RXRG: variants seen among roughly 807,000 people sequenced by gnomAD.
The protein encoded by RXRG is retinoid X receptor gamma.
In RXRG, 19 loss-of-function variants were observed where a neutral mutation model predicts 49.2. The ratio of observed to expected loss-of-function variants is 0.39; its 90% CI spans 0.27 to 0.57. RXRG has a LOEUF of 0.57. Among genes scored for constraint, RXRG ranks in the 20% least tolerant of loss-of-function variants. RXRG has a pLI of 0.64. For synonymous variants in RXRG, 224 were observed against 216.6 expected (o/e 1.03, Z -0.30); for missense variants, 452 against 592.5 (o/e 0.76, Z 2.46).
At chr1:165,440,245 G>C (rs1485518230) in intron 1 of RXRG, among the ~76,000 whole-genome samples, 6 of 152,160 alleles carry the variant, frequency 3.9e-5, no homozygotes, top group Non-Finnish European at 7.3e-5. Context: ...TATTAGCCAA[G>C]TTCCCTTTGG....
rs80102563 is a variant in RXRG, at chr1:165,407,474, C to T, written c.1139-557G>A. The stretch of plus-strand genomic sequence containing the variant: ...TTCTGATTCTGTCCCTATCTCACTG[C>T]CTGCCCCTTCTCAGGTTCCTCTGCT... On this transcript the variant is annotated intron_variant, in intron 8 of 9. Coordinates refer to ENST00000359842, the MANE Select transcript of RXRG (RefSeq NM_006917.5). 8.3e-4 allele frequency among the ~76,000 whole-genome samples: 126 copies of T among 152,316 alleles called. 3 individuals are homozygous for T. The East Asian group carries it at 0.022, about 26-fold the overall frequency.
chr1:165,409,462 C>T (rs921648358), intron 7 of RXRG, 96 bp downstream of exon 7: 35 of 1,252,016 alleles, frequency 2.8e-5, no homozygotes, highest in Non-Finnish European at 3.2e-5. Context: ...TTCATGCCCA[C>T]GTGAGAATTC....
chr1:165,444,921 C>A lies in RXRG; in HGVS notation c.-28G>T. ...TTACTCGTCAGTTCATGTTCCTCTC[C>A]TGTGCAGCTTCTAAATATTACCGCC... On this transcript the variant is annotated 5_prime_UTR_variant, in exon 1 of 10. The change creates a new upstream start codon in the 5' untranslated region. Transcript: ENST00000359842. 6.2e-7 allele frequency: 1 copy of A among 1,610,318 alleles called. No homozygotes were observed. The highest frequency in any genetic ancestry group is 1.3e-5 in the African/African-American group (1 of 74,934).
At position 165,401,160 on chromosome 1, in the gene RXRG, C is replaced by T; in HGVS notation, c.*103G>A. On this transcript the variant is annotated 3_prime_UTR_variant, in exon 10 of 10. Transcript: ENST00000359842. ...TATTATAAGCATCACATTTTGGGGA[C>T]AGGAAGGGGGTCAGGGTGGGAGGTG... 1 of 1,074,468 alleles carries T rather than the reference C, an allele frequency of 9.3e-7. No individual in the cohort carries two copies. Among genetic ancestry groups the T allele is most frequent in the Non-Finnish European group, 1.4e-6 (1 of 734,106 alleles). 66.6% of individuals were successfully genotyped at this position (1,074,468 alleles called of 1,614,324 possible). A position where few individuals can be genotyped will look rare whatever the true frequency, so the allele number is the denominator to read the frequency against.
chr1:165,402,870 TCA>T (rs754810976), intron 9 of RXRG, among the ~76,000 whole-genome samples: 2 of 151,760 alleles, frequency 1.3e-5, no homozygotes, highest in South Asian at 2.1e-4. Flanking sequence ...ATACACATAC[TCA>T]CACATGTGCA....
chr1:165,419,678 A>G (rs1658243554), intron 3 of RXRG, among the ~76,000 whole-genome samples, 192 bp downstream of exon 3: 1 of 152,246 alleles, frequency 6.6e-6, no homozygotes, highest in African/African-American at 2.4e-5. Context: ...CTCATCCTCA[A>G]AAAATAAAGC....
At chr1:165,428,595 G>T in intron 2 of RXRG, 124 bp downstream of exon 2, 1 of 1,151,898 alleles carries the variant, frequency 8.7e-7, no homozygotes, top group Non-Finnish European at 1.2e-6. Context: ...CGTCTGCAGA[G>T]ACCATTCAAA....
chr1:165,430,465 G>GA (rs918630740), intron 1 of RXRG, among the ~76,000 whole-genome samples: 1 of 152,202 alleles, frequency 6.6e-6, no homozygotes, highest in Admixed American at 6.5e-5. Context: ...TATTCCACTG[G>GA]AAAAAATGTC....
At chr1:165,405,492 C>G (rs770246977) in intron 9 of RXRG, among the ~76,000 whole-genome samples, 14 of 152,252 alleles carry the variant, frequency 9.2e-5, no homozygotes, top group Non-Finnish European at 1.6e-4. Context: ...TTGGCATCAG[C>G]TAATGAAAGT....
At position 165,411,045 on chromosome 1, in the gene RXRG, A is replaced by G. The variant is rs1401990612; in HGVS notation, c.687T>C (p.Ser229=). 6 of 1,614,104 alleles carry G rather than the reference A, an allele frequency of 3.7e-6. No individual in the cohort carries two copies. In the South Asian group the frequency reaches 6.6e-5, roughly 18 times the overall value. ...RAESEAECAT[S]GHEDMPVERI... is the part of the protein sequence containing the mutation. Reference sequence around the variant, plus strand: ...TCTCCACAGGCATGTCTTCATGACCACTGGTAGCACATTCTGCCTCACTCT... The same window carrying G: ...TCTCCACAGGCATGTCTTCATGACCGCTGGTAGCACATTCTGCCTCACTCT... Residue 229 remains serine, a synonymous_variant, in exon 5 of 10, where the codon AGT becomes AGC. Transcript: ENST00000359842.
chr1:165,435,568 A>C (rs1415931291), intron 1 of RXRG, among the ~76,000 whole-genome samples: 1 of 152,178 alleles, frequency 6.6e-6, no homozygotes, highest in Non-Finnish European at 1.5e-5. Flanking sequence ...GATAAGCCCC[A>C]AATGGGTGGA....
At chr1:165,415,829 T>A (rs144087590) in intron 4 of RXRG, among the ~76,000 whole-genome samples, 2 of 152,170 alleles carry the variant, frequency 1.3e-5, no homozygotes, top group Non-Finnish European at 2.9e-5. Context: ...CCATCTTCAG[T>A]TCCTTCACAA....
At chr1:165,419,400 T>C (rs987054503) in intron 3 of RXRG, among the ~76,000 whole-genome samples, 1 of 152,078 alleles carries the variant, frequency 6.6e-6, no homozygotes, top group African/African-American at 2.4e-5. Flanking sequence ...TTAATACTTT[T>C]TTTTTTTTGA....
intron 2 of RXRG, among the ~76,000 whole-genome samples, chr1:165,428,265 C>T (rs545398141): frequency 2.6e-5 from 4 of 152,342 alleles, no homozygotes; most frequent in South Asian, 4.1e-4. Context: ...TTGTTCTCAA[C>T]TTATCCATTG....
chr1:165,423,610 C>T (rs1658392791), intron 2 of RXRG, among the ~76,000 whole-genome samples: 2 of 151,066 alleles, frequency 1.3e-5, no homozygotes, highest in African/African-American at 4.9e-5. Context: ...GGACCTCCAA[C>T]ATGGGTTTGG....
chr1:165,444,416 C>A (rs1659097533), intron 1 of RXRG, among the ~76,000 whole-genome samples: 1 of 152,206 alleles, frequency 6.6e-6, no homozygotes, highest in Admixed American at 6.5e-5. Flanking sequence ...CAGGAACCCT[C>A]AAGATAGGCA....
chr1:165,429,728 C>G (rs1223280658), intron 1 of RXRG, among the ~76,000 whole-genome samples: 1 of 152,190 alleles, frequency 6.6e-6, no homozygotes, highest in African/African-American at 2.4e-5. Context: ...GCAGACCAGA[C>G]TGCCGAGACC....
chr1:165,412,702 C>A (rs1277920672), intron 4 of RXRG, among the ~76,000 whole-genome samples: 2 of 152,200 alleles, frequency 1.3e-5, no homozygotes, highest in Admixed American at 1.3e-4. Flanking sequence ...CCTTTGGTGT[C>A]TTTTTACCCC....
intron 2 of RXRG, among the ~76,000 whole-genome samples, chr1:165,423,290 AGCC>A (rs908649158): frequency 6.6e-6 from 1 of 152,206 alleles, no homozygotes; most frequent in African/African-American, 2.4e-5. Flanking sequence ...AGCACTTTAG[AGCC>A]GGGATTCACC....
Sources: gnomAD v4.1 joint callset for allele counts (sites outside exome capture counted in the v4.1 genomes callset) on GRCh38, gnomAD v4.1.1 for gene constraint, MANE v1.5 for transcripts, NCBI Gene and HGNC (gene_info 2026-07-23, HGNC 2026-07-21) for gene names.